ATRNL1: variants seen among roughly 807,000 people sequenced by gnomAD.
ATRNL1 encodes attractin-like protein 1.
In ATRNL1, 95 loss-of-function variants were observed where a neutral mutation model predicts 182.7. The ratio of observed to expected loss-of-function variants is 0.52; its 90% CI spans 0.44 to 0.62. ATRNL1 has a LOEUF of 0.62. Among genes scored for constraint, ATRNL1 ranks in the 20% least tolerant of loss-of-function variants. ATRNL1 has a pLI of 0.00. For synonymous variants in ATRNL1, 576 were observed against 568.3 expected (o/e 1.01, Z -0.19); for missense variants, 1,471 against 1,679.5 (o/e 0.88, Z 2.17).
chr10:115,294,571 T>C (rs1346996601), intron 15 of ATRNL1, among the ~76,000 whole-genome samples: 2 of 152,258 alleles, frequency 1.3e-5, no homozygotes, highest in African/African-American at 2.4e-5. Flanking sequence ...GAATTTTCTT[T>C]CTGATATTTC....
chr10:115,330,665 T>C (rs1592463618), intron 18 of ATRNL1, among the ~76,000 whole-genome samples: 1 of 147,668 alleles, frequency 6.8e-6, no homozygotes, highest in South Asian at 2.2e-4. Flanking sequence ...CCTTTATGTG[T>C]TATTTGCTTT....
intron 26 of ATRNL1, among the ~76,000 whole-genome samples, chr10:115,615,672 C>T (rs186588738): frequency 9.9e-5 from 15 of 152,044 alleles, no homozygotes; most frequent in Non-Finnish European, 1.9e-4. Context: ...TGAGTACTCA[C>T]GAGATCTTGT....
At chr10:115,519,376 T>C in intron 25 of ATRNL1, 52 bp downstream of exon 25, 1 of 1,419,300 alleles carries the variant, frequency 7.0e-7, no homozygotes. Flanking sequence ...TATTCTGATA[T>C]ATGTCCTGTC....
At chr10:115,909,502 C>G (rs1415852662) in intron 28 of ATRNL1, 2 of 151,948 alleles carry the variant, frequency 1.3e-5, no homozygotes, top group African/African-American at 4.8e-5. Flanking sequence ...TCCATTGCTT[C>G]TACTGCATCT....
intron 27 of ATRNL1, among the ~76,000 whole-genome samples, chr10:115,825,361 A>G (rs1385482378): frequency 1.2e-4 from 19 of 152,166 alleles, no homozygotes; most frequent in African/African-American, 4.6e-4. Flanking sequence ...AGCAAACCAC[A>G]TGACACGTAT....
chr10:115,458,393 C>T (rs1359754475), intron 21 of ATRNL1, among the ~76,000 whole-genome samples: 1 of 152,096 alleles, frequency 6.6e-6, no homozygotes, highest in South Asian at 2.1e-4. Flanking sequence ...TAGTAGTGCA[C>T]ATTCATTCAT....
At chr10:115,556,979 G>T (rs934622954) in intron 26 of ATRNL1, among the ~76,000 whole-genome samples, 2 of 151,776 alleles carry the variant, frequency 1.3e-5, no homozygotes, top group Non-Finnish European at 2.9e-5. Flanking sequence ...GCTCAGCCAA[G>T]TGTGTTTATT....
intron 17 of ATRNL1, among the ~76,000 whole-genome samples, chr10:115,305,484 A>G (rs917364614): frequency 5.7e-4 from 87 of 152,106 alleles, no homozygotes; most frequent in African/African-American, 1.8e-3. Flanking sequence ...AGTGGGTGGC[A>G]GTGTGGTGGT....
chr10:115,745,077 C>A (rs548951840), intron 27 of ATRNL1, among the ~76,000 whole-genome samples: 1 of 152,080 alleles, frequency 6.6e-6, no homozygotes, highest in East Asian at 1.9e-4. Context: ...CCCTTAGAAC[C>A]ACTTATTTGT....
intron 27 of ATRNL1, 138 bp from the exon 28 acceptor site, chr10:115,847,739 C>G (rs192912850): frequency 9.7e-6 from 6 of 615,910 alleles, no homozygotes; most frequent in African/African-American, 7.3e-5. Flanking sequence ...GTGCAAGGAG[C>G]TAGTGTTAAA....
Position 115,774,079 on chromosome 10 carries a change from C to T in ATRNL1, c.3903+46724C>T, listed in dbSNP as rs913870664. On this transcript the variant is annotated intron_variant, in intron 27 of 28. Coordinates refer to ENST00000355044, the MANE Select transcript of ATRNL1 (RefSeq NM_207303.4). The stretch of plus-strand genomic sequence containing the variant: ...CTGCTCTCTAATAGCCACCCCAAAC[C>T]AGCACTCATCCTAGAATAACCAATA... Among the ~76,000 whole-genome samples the T allele has an allele frequency of 2.6e-5, 4 of 152,088 alleles. No homozygotes were observed. The East Asian group carries it at 7.7e-4, about 29-fold the overall frequency.
chr10:115,860,753 T>G (rs1951297394), intron 28 of ATRNL1, among the ~76,000 whole-genome samples: 1 of 152,218 alleles, frequency 6.6e-6, no homozygotes, highest in Admixed American at 6.5e-5. Flanking sequence ...ACTAATTCAT[T>G]CTGTTATTTA....
intron 2 of ATRNL1, 117 bp downstream of exon 2, chr10:115,120,385 G>A: frequency 1.9e-6 from 1 of 515,510 alleles, no homozygotes. Context: ...TTTATTATTA[G>A]ATAATATTTA....
intron 27 of ATRNL1, among the ~76,000 whole-genome samples, chr10:115,774,540 A>G (rs1332977018): frequency 1.3e-5 from 2 of 151,896 alleles, no homozygotes; most frequent in African/African-American, 4.8e-5. Flanking sequence ...AAGAGTCTTG[A>G]TCACCTAAGC....
At chr10:115,446,149 T>G (rs1482410325) in intron 21 of ATRNL1, among the ~76,000 whole-genome samples, 1 of 152,086 alleles carries the variant, frequency 6.6e-6, no homozygotes, top group African/African-American at 2.4e-5. Flanking sequence ...TGTGCTACCC[T>G]TCAACTCATT....
intron 19 of ATRNL1, among the ~76,000 whole-genome samples, chr10:115,379,082 T>A (rs1554950326): frequency 1.3e-5 from 2 of 152,198 alleles, no homozygotes; most frequent in African/African-American, 4.8e-5. Flanking sequence ...CATCTTTTTT[T>A]ATCCTTATTG....
At chr10:115,631,068 G>T (rs937877937) in intron 26 of ATRNL1, among the ~76,000 whole-genome samples, 1 of 151,710 alleles carries the variant, frequency 6.6e-6, no homozygotes, top group Admixed American at 6.6e-5. Context: ...TGGGGAGGGG[G>T]GTGTGTACGG....
intron 8 of ATRNL1, among the ~76,000 whole-genome samples, chr10:115,177,911 T>TG (rs1847587423): frequency 7.3e-6 from 1 of 136,502 alleles, no homozygotes; most frequent in Non-Finnish European, 1.6e-5. Flanking sequence ...TTGTTTTTTT[T>TG]GTTTTTTTTT....
chr10:115,511,260 T>C (rs1038269940), intron 24 of ATRNL1, among the ~76,000 whole-genome samples: 7 of 151,962 alleles, frequency 4.6e-5, no homozygotes, highest in African/African-American at 1.7e-4. Context: ...TGGATCTTAG[T>C]AACAGCTAAT....
Sources: gnomAD v4.1 joint callset for allele counts (sites outside exome capture counted in the v4.1 genomes callset) on GRCh38, gnomAD v4.1.1 for gene constraint, MANE v1.5 for transcripts, NCBI Gene and HGNC (gene_info 2026-07-23, HGNC 2026-07-21) for gene names.